SLC17A6: variants seen among roughly 807,000 people sequenced by gnomAD.
SLC17A6 encodes solute carrier family 17 member 6, also known as vesicular glutamate transporter 2.
A neutral mutation model predicts 67.1 loss-of-function variants in SLC17A6; 35 were observed. That is an observed-to-expected ratio of 0.52 (90% CI 0.40 to 0.69). The LOEUF (loss-of-function observed/expected upper bound fraction) is 0.69, where lower values mean the gene tolerates loss of function less well. SLC17A6 is among the 30% of genes least tolerant of loss of function. The probability of loss-of-function intolerance (pLI) is 0.00; values close to 1 mark genes in which losing one functional copy is unlikely to be tolerated. For synonymous variants in SLC17A6, 285 were observed against 252.3 expected (o/e 1.13, Z -1.23); for missense variants, 588 against 723.9 (o/e 0.81, Z 2.15).
At chr11:22,363,437 C>T (rs906046523) in intron 6 of SLC17A6, among the ~76,000 whole-genome samples, 10 of 152,134 alleles carry the variant, frequency 6.6e-5, no homozygotes, top group African/African-American at 2.4e-4. Flanking sequence ...AATATCCCTA[C>T]AGTCTTTCTT....
Position 22,343,331 on chromosome 11 carries a change from G to A in SLC17A6, c.424G>A (p.Gly142Arg), listed in dbSNP as rs1229947748. Residue 142 changes from glycine (G) to arginine (R), a missense_variant, in exon 3 of 12, where the codon GGA becomes AGA. Coordinates refer to ENST00000263160, the MANE Select transcript of SLC17A6 (RefSeq NM_020346.3). Reference protein sequence around the residue: ...FWGYIITQIPGGYIASRLAAN... With the variant: ...FWGYIITQIPRGYIASRLAAN... ...GGGCTACATCATCACTCAGATTCCGGGAGGCTACATCGCGTCTCGGCTGGC... is the reference window on the plus strand; with the variant it reads ...GGGCTACATCATCACTCAGATTCCGAGAGGCTACATCGCGTCTCGGCTGGC... The A allele has an allele frequency of 6.2e-7, 1 of 1,612,488 alleles. No homozygotes were observed. The highest frequency in any genetic ancestry group is 1.7e-5 in the Admixed American group (1 of 59,636).
chr11:22,357,210 G>A (rs184540808), intron 3 of SLC17A6, among the ~76,000 whole-genome samples: 33 of 152,168 alleles, frequency 2.2e-4, no homozygotes, highest in African/African-American at 6.8e-4. Flanking sequence ...ATTGGTATAT[G>A]TTTTAATGGA....
chr11:22,338,502 T>A lies in SLC17A6; in HGVS notation c.-32T>A. 6.7e-7 allele frequency: 1 copy of A among 1,499,194 alleles called. No homozygotes were observed. Among genetic ancestry groups the A allele is most frequent in the South Asian group, 1.1e-5 (1 of 87,952 alleles). The allele number at this position is 1,499,194 out of a possible 1,614,324, so 92.9% of individuals were successfully genotyped here. A position where few individuals can be genotyped will look rare whatever the true frequency, so the allele number is the denominator to read the frequency against. On this transcript the variant is annotated 5_prime_UTR_variant, in exon 1 of 12. Transcript: ENST00000263160. Reference sequence around the variant, plus strand: ...CCTTTCCTAGCAATCACTATTTAAATCTGGCAAGAACTGACAACAGTCTTT... The same window carrying A: ...CCTTTCCTAGCAATCACTATTTAAAACTGGCAAGAACTGACAACAGTCTTT...
intron 5 of SLC17A6, 129 bp downstream of exon 5, chr11:22,361,113 G>T (rs553434412): frequency 5.0e-6 from 3 of 596,890 alleles, no homozygotes; most frequent in South Asian, 2.6e-5. Flanking sequence ...GAGTGGTAAG[G>T]TTTTTGACCA....
rs762202553 is a variant in SLC17A6 at position 22,341,742 on chromosome 11, A to C, written c.301A>C (p.Asn101His). The change falls in exon 2 of 12, where the codon AAC becomes CAC. Residue 101 changes from asparagine (N) to histidine (H), a missense_variant. Asn to His is a moderately conservative substitution (Grantham distance 68). Transcript: ENST00000263160. ...LGVAIVDMVN[N>H]STIHRGGKVI... ...CGTGGCCATTGTGGACATGGTCAAC[A>C]ACAGCACCATCCACCGCGGGGGCAA... The C allele has an allele frequency of 1.9e-6, 3 of 1,614,178 alleles. No individual in the cohort carries two copies.
chr11:22,343,462 T>C, intron 3 of SLC17A6, 97 bp downstream of exon 3: 1 of 1,026,182 alleles, frequency 9.7e-7, no homozygotes, highest in Non-Finnish European at 1.4e-6. Flanking sequence ...CAGAGGGGTT[T>C]GAGGACTCCC....
intron 8 of SLC17A6, 129 bp from the exon 9 acceptor site, chr11:22,374,626 C>A: frequency 1.4e-6 from 1 of 732,614 alleles, no homozygotes. Context: ...AGTAAGTGAT[C>A]ATTTGGAAAG....
At chr11:22,350,760 G>A (rs978529390) in intron 3 of SLC17A6, among the ~76,000 whole-genome samples, 7 of 152,214 alleles carry the variant, frequency 4.6e-5, no homozygotes, top group African/African-American at 1.7e-4. Context: ...ATTATAAGGA[G>A]AAAGATCTTA....
intron 3 of SLC17A6, among the ~76,000 whole-genome samples, chr11:22,351,778 A>G (rs1195058969): frequency 6.6e-6 from 1 of 152,162 alleles, no homozygotes; most frequent in Non-Finnish European, 1.5e-5. Flanking sequence ...CAAGTTTTTG[A>G]TCAGAGAATA....
At chr11:22,353,679 C>T (rs1346746471) in intron 3 of SLC17A6, among the ~76,000 whole-genome samples, 1 of 152,224 alleles carries the variant, frequency 6.6e-6, no homozygotes, top group African/African-American at 2.4e-5. Context: ...ATCTAACAAT[C>T]TAATATCCAT....
At position 22,373,516 on chromosome 11, in the gene SLC17A6, G is replaced by A. The variant is rs1277264486; in HGVS notation, c.1042-1239G>A. Among the ~76,000 whole-genome samples the A allele has an allele frequency of 4.6e-5, 7 of 151,664 alleles. No homozygotes were observed. The East Asian group carries it at 9.7e-4, about 21-fold the overall frequency. On this transcript the variant is annotated intron_variant, in intron 8 of 11. Transcript: ENST00000263160. ...ACATCTTTATTTAGGTACCTGTTGAGCCCCTGCTACATACCAAGTTTTGTA... is the reference window on the plus strand; with the variant it reads ...ACATCTTTATTTAGGTACCTGTTGAACCCCTGCTACATACCAAGTTTTGTA...
At chr11:22,372,751 T>C (rs1856188885) in intron 8 of SLC17A6, among the ~76,000 whole-genome samples, 1 of 152,138 alleles carries the variant, frequency 6.6e-6, no homozygotes, top group Non-Finnish European at 1.5e-5. Context: ...CAAAAACATT[T>C]ATCCTAGCCT....
In SLC17A6 at chr11:22,341,444, A is replaced by G. The variant is rs892644617; in HGVS notation, c.87-84A>G. Reference sequence around the variant, plus strand: ...GTCGACGGCCCTCCTCCCAACCCCGACGGGTCCTGAAAAATGGGAATGGGT... The same window carrying G: ...GTCGACGGCCCTCCTCCCAACCCCGGCGGGTCCTGAAAAATGGGAATGGGT... On this transcript the variant is annotated intron_variant, in intron 1 of 11. Transcript: ENST00000263160. 16 of 1,542,132 alleles carry G rather than the reference A, an allele frequency of 1.0e-5. No homozygotes were observed. In the East Asian group the frequency reaches 3.2e-4, roughly 31 times the overall value.
chr11:22,348,554 G>A (rs886627315), intron 3 of SLC17A6, among the ~76,000 whole-genome samples: 2 of 152,132 alleles, frequency 1.3e-5, no homozygotes, highest in African/African-American at 2.4e-5. Context: ...TTTCTGCCAC[G>A]CAGACACCTT....
rs760140528 is a variant in SLC17A6, at chr11:22,375,576, G to T, written c.1175-406G>T. ...GCTCACCACAACCCCCGCCTCCCGGGTTCAAGCGATTCTCTTGCCTCAGCC... is the reference window on the plus strand; with the variant it reads ...GCTCACCACAACCCCCGCCTCCCGGTTTCAAGCGATTCTCTTGCCTCAGCC... On this transcript the variant is annotated intron_variant, in intron 9 of 11. Transcript: ENST00000263160. Among the ~76,000 whole-genome samples the T allele has an allele frequency of 8.7e-4, 132 of 151,756 alleles. 1 individual carries two copies. The highest frequency in any genetic ancestry group is 1.3e-4 in the Non-Finnish European group (9 of 67,880).
intron 9 of SLC17A6, 113 bp from the exon 10 acceptor site, chr11:22,375,869 G>T: frequency 1.7e-6 from 1 of 602,594 alleles, no homozygotes. Context: ...TTTGAAGATA[G>T]ACTCTCTGAA....
At chr11:22,353,704 G>T (rs1220043377) in intron 3 of SLC17A6, among the ~76,000 whole-genome samples, 2 of 152,134 alleles carry the variant, frequency 1.3e-5, no homozygotes, top group Non-Finnish European at 2.9e-5. Flanking sequence ...GTTTTTTAAA[G>T]GACATCTTCC....
Position 22,341,318 on chromosome 11 carries a change from G to T in SLC17A6, c.87-210G>T, listed in dbSNP as rs1205332128. On this transcript the variant is annotated intron_variant, in intron 1 of 11. Transcript: ENST00000263160. The stretch of plus-strand genomic sequence containing the variant: ...CTAAAGGTGTTAAAGTTGAAGAGAC[G>T]CCGCCGCCGCGGCCAAGGGCACCTG... 2.0e-5 allele frequency among the ~76,000 whole-genome samples: 3 copies of T among 152,156 alleles called. No homozygotes were observed. In the East Asian group the frequency reaches 5.8e-4, roughly 30 times the overall value.
intron 1 of SLC17A6, 24 bp downstream of exon 1, chr11:22,338,643 TA>T: frequency 6.4e-7 from 1 of 1,559,706 alleles, no homozygotes; most frequent in Non-Finnish European, 8.8e-7. Context: ...AACACTTGCT[TA>T]CCTGGGGCTC....
Sources: allele counts gnomAD v4.1 joint callset (sites outside exome capture counted in the v4.1 genomes callset), GRCh38; gene constraint gnomAD v4.1.1; transcripts MANE v1.5; gene names NCBI Gene and HGNC (gene_info 2026-07-23, HGNC 2026-07-21).